Variants in PTPN5 observed in about 807,000 individuals in gnomAD.
The protein encoded by PTPN5 is protein tyrosine phosphatase non-receptor type 5.
Under a neutral mutation model 73.9 loss-of-function variants are expected in PTPN5, and 29 were observed. That is an observed-to-expected ratio of 0.39 (90% confidence interval 0.29 to 0.54). PTPN5 has a LOEUF of 0.54. PTPN5 is among the 20% of genes least tolerant of loss of function. The probability of loss-of-function intolerance (pLI) is 0.65; values close to 1 mark genes in which losing one functional copy is unlikely to be tolerated. For synonymous variants in PTPN5, 267 were observed against 304.7 expected (o/e 0.88, Z 1.29); for missense variants, 652 against 751.4 (o/e 0.87, Z 1.55).
At chr11:18,792,441 A>G (rs948058229), upstream of PTPN5, 1 of 152,360 alleles carries the variant, frequency 6.6e-6, no homozygotes, top group East Asian at 1.9e-4. Flanking sequence ...GCGAGTGGAC[A>G]GCCCCTCCCT....
chr11:18,745,046 C>T (rs1427799928), intron 3 of PTPN5, among the ~76,000 whole-genome samples: 1 of 152,228 alleles, frequency 6.6e-6, no homozygotes, highest in East Asian at 1.9e-4. Flanking sequence ...AGTTCTGCTA[C>T]TAAAGAGTCT....
chr11:18,733,284 TC>T lies in PTPN5; in HGVS notation c.1168del (p.Glu390SerfsTer8). 1 of 1,613,284 alleles carries T rather than the reference TC, an allele frequency of 6.2e-7. No individual in the cohort carries two copies. The highest frequency in any genetic ancestry group is 8.5e-7 in the Non-Finnish European group (1 of 1,179,912). ...GATCATGACAATGATGGGCGTGTGC[TC>T]CTGCCACACCATGCGCCAGAAGTCG... is the stretch of plus-strand genomic sequence containing the variant. ...VADFWRMVWQ[E>X]HTPIIVMITN... On this transcript the variant is annotated frameshift_variant, in exon 11 of 15. Transcript: ENST00000358540. LOFTEE classifies it high-confidence loss of function. The surrounding 1 kb of genome is among the most constrained non-coding windows in gnomAD (Gnocchi z 4.3).
At chr11:18,779,685 C>T (rs992419190) in intron 1 of PTPN5, among the ~76,000 whole-genome samples, 3 of 152,180 alleles carry the variant, frequency 2.0e-5, no homozygotes, top group Non-Finnish European at 2.9e-5. Context: ...AACCTGGGCC[C>T]AGGGCAGGCT....
rs1590497661 is a variant in PTPN5, at chr11:18,738,113, C to T, written c.916-149G>A. On this transcript the variant is annotated intron_variant, in intron 8 of 14. Coordinates refer to ENST00000358540, the MANE Select transcript of PTPN5 (RefSeq NM_006906.2). ...ACATTTACTATTAAGAGAGTTAGTGCTCACGACGCATTCAGAACAGTGCCT... is the reference window on the plus strand; with the variant it reads ...ACATTTACTATTAAGAGAGTTAGTGTTCACGACGCATTCAGAACAGTGCCT... 4.4e-6 allele frequency: 3 copies of T among 681,780 alleles called. No individual in the cohort carries two copies. In the East Asian group the frequency reaches 8.1e-5, roughly 18 times the overall value. The allele number at this position is 681,780 out of a possible 1,614,324, so 42.2% of individuals were successfully genotyped here.
intron 1 of PTPN5, among the ~76,000 whole-genome samples, chr11:18,777,599 G>T (rs1392481029): frequency 6.6e-6 from 1 of 152,170 alleles, no homozygotes; most frequent in Non-Finnish European, 1.5e-5. Context: ...CTGAACTGCT[G>T]TATCACTGGG....
Position 18,772,082 on chromosome 11 carries a change from G to T in PTPN5, c.-113-11C>A. 1 of 680,320 alleles carries T rather than the reference G, an allele frequency of 1.5e-6. No individual in the cohort carries two copies. The highest frequency in any genetic ancestry group is 3.2e-5 in the East Asian group (1 of 31,686). 42.1% of individuals were successfully genotyped at this position (680,320 alleles called of 1,614,324 possible). On this transcript the variant is annotated splice_polypyrimidine_tract_variant and intron_variant, in intron 1 of 14. Transcript: ENST00000358540. Reference sequence around the variant, plus strand: ...CTTCAGATCATCCAGCTGGGAAAACGGGGCAAAGAGAGATTAAGTGACTAG... The same window carrying T: ...CTTCAGATCATCCAGCTGGGAAAACTGGGCAAAGAGAGATTAAGTGACTAG...
chr11:18,743,823 G>T, intron 4 of PTPN5, 183 bp downstream of exon 4: 1 of 671,074 alleles, frequency 1.5e-6, no homozygotes, highest in Non-Finnish European at 2.4e-6. Flanking sequence ...TCAGATGCTG[G>T]TGCGGTAGCT....
intron 3 of PTPN5, among the ~76,000 whole-genome samples, chr11:18,745,390 G>C (rs1048153976): frequency 5.9e-5 from 9 of 152,164 alleles, no homozygotes; most frequent in African/African-American, 1.9e-4. Context: ...CAGAGAACCC[G>C]GTCCTGGAGC....
In PTPN5 at chr11:18,771,987, C is replaced by A; in HGVS notation, c.-29G>T. The A allele has an allele frequency of 6.5e-7, 1 of 1,549,628 alleles. No individual in the cohort carries two copies. Among genetic ancestry groups the A allele is most frequent in the Non-Finnish European group, 8.7e-7 (1 of 1,154,734 alleles). On this transcript the variant is annotated 5_prime_UTR_variant, in exon 2 of 15. Transcript: ENST00000358540. Reference sequence around the variant, plus strand: ...CAAGGTGTCTGGATGGGGAAGGGTGCCATCTTCCAGGGCAGGAAGCTTTCT... The same window carrying A: ...CAAGGTGTCTGGATGGGGAAGGGTGACATCTTCCAGGGCAGGAAGCTTTCT...
chr11:18,786,141 G>A (rs567326285), intron 1 of PTPN5, among the ~76,000 whole-genome samples: 59 of 152,200 alleles, frequency 3.9e-4, no homozygotes, highest in African/African-American at 1.3e-3. Context: ...CATGATGCTC[G>A]TTCCACATCT....
chr11:18,731,699 G>A (rs1220642684), intron 12 of PTPN5, among the ~76,000 whole-genome samples: 1 of 152,176 alleles, frequency 6.6e-6, no homozygotes, highest in Non-Finnish European at 1.5e-5. Flanking sequence ...TGGGGGCACT[G>A]CTCTTGGGGG....
At chr11:18,758,678 T>G (rs1319768466) in intron 3 of PTPN5, among the ~76,000 whole-genome samples, 1 of 13,244 alleles carries the variant, frequency 7.6e-5, no homozygotes, top group African/African-American at 1.4e-4. Context: ...AGGATGAGTT[T>G]TTTTTTTTTT....
intron 3 of PTPN5, among the ~76,000 whole-genome samples, chr11:18,760,951 C>A (rs1225466968): frequency 6.6e-6 from 1 of 152,278 alleles, no homozygotes; most frequent in Non-Finnish European, 1.5e-5. Context: ...TGCTCAGGTA[C>A]ATCCCTGTGA....
At chr11:18,759,945 T>A (rs1028791022) in intron 3 of PTPN5, among the ~76,000 whole-genome samples, 1 of 151,442 alleles carries the variant, frequency 6.6e-6, no homozygotes, top group Non-Finnish European at 1.5e-5. Context: ...CATTATGAGG[T>A]AAACCTGCTC....
In PTPN5 at chr11:18,781,937, C is replaced by G. The variant is rs972442506; in HGVS notation, c.-114+9588G>C. Among the ~76,000 whole-genome samples the G allele has an allele frequency of 4.9e-4, 75 of 152,278 alleles. 1 individual carries two copies. The highest frequency in any genetic ancestry group is 1.5e-3 in the African/African-American group (63 of 41,552). On this transcript the variant is annotated intron_variant, in intron 1 of 14. Coordinates refer to ENST00000358540, the MANE Select transcript of PTPN5 (RefSeq NM_006906.2). ...AGGAGTTCACCAGATACAGGGAGGA[C>G]ATTCCAGGCAGGGAACACTGCAGGG...
In PTPN5 at chr11:18,743,363, C is replaced by T. The variant is rs202083124; in HGVS notation, c.358G>A (p.Val120Ile). 917 of 1,614,124 alleles carry T rather than the reference C, an allele frequency of 5.7e-4. 2 individuals carry two copies. Among genetic ancestry groups the T allele is most frequent in the Non-Finnish European group, 6.1e-4 (719 of 1,180,022 alleles). Residue 120 changes from valine (V) to isoleucine (I), a missense_variant, in exon 5 of 15, where the codon GTC becomes ATC. Val to Ile is a conservative substitution (Grantham distance 29). This residue lies in a region of PTPN5 where 529 missense variants were observed against 573.9 expected (regional missense o/e 0.92). Coordinates refer to ENST00000358540, the MANE Select transcript of PTPN5 (RefSeq NM_006906.2). ...HIWSQNATNL[V>I]SSLLTLLKQL... ...TTCAGGAGCGTCAGCAAAGAGGAGACGAGGTTTGTGGCGTTCTGTGACCAG... is the reference window on the plus strand; with the variant it reads ...TTCAGGAGCGTCAGCAAAGAGGAGATGAGGTTTGTGGCGTTCTGTGACCAG...
At chr11:18,751,741 A>T (rs566612982) in intron 3 of PTPN5, among the ~76,000 whole-genome samples, 29 of 152,300 alleles carry the variant, frequency 1.9e-4, no homozygotes, top group African/African-American at 5.8e-4. Context: ...GGTGCTCACC[A>T]CTTATCAGCT....
chr11:18,745,792 C>G (rs915496146), intron 3 of PTPN5, among the ~76,000 whole-genome samples: 3 of 152,024 alleles, frequency 2.0e-5, no homozygotes, highest in Non-Finnish European at 4.4e-5. Flanking sequence ...CCCCATTTTA[C>G]AGAAAAGGAA....
At chr11:18,771,238 T>A (rs141550623) in intron 2 of PTPN5, among the ~76,000 whole-genome samples, 28 of 152,138 alleles carry the variant, frequency 1.8e-4, no homozygotes, top group African/African-American at 6.3e-4. Context: ...CTCTTAAAGC[T>A]CCAACCCCAC....
Sources: allele counts gnomAD v4.1 joint callset (sites outside exome capture counted in the v4.1 genomes callset), GRCh38; gene constraint gnomAD v4.1.1; regional missense constraint gnomAD v4.1.1; non-coding constraint Gnocchi (gnomAD v3.1); transcripts MANE v1.5; gene names NCBI Gene and HGNC (gene_info 2026-07-23, HGNC 2026-07-21).